The following SNTB1 variants were observed in gnomAD, a reference collection of about 807,000 sequenced individuals.
The protein encoded by SNTB1 is beta-1-syntrophin.
In SNTB1, 36 loss-of-function variants were observed where a neutral mutation model predicts 48.9. That is an observed-to-expected ratio of 0.74 (90% CI 0.56 to 0.97). The LOEUF (loss-of-function observed/expected upper bound fraction) is 0.97. SNTB1 is among the 50% of genes least tolerant of loss of function. The probability of loss-of-function intolerance (pLI) is 0.00; values close to 1 mark genes in which losing one functional copy is unlikely to be tolerated. For synonymous variants in SNTB1, 299 were observed against 294.6 expected (o/e 1.01, Z -0.15); for missense variants, 786 against 703.4 (o/e 1.12, Z -1.33).
At chr8:120,542,776 T>TAC (rs1334928948) in intron 5 of SNTB1, among the ~76,000 whole-genome samples, 2 of 151,958 alleles carry the variant, frequency 1.3e-5, no homozygotes, top group African/African-American at 4.8e-5. Context: ...GAAGACAGCA[T>TAC]ACACCCATGA....
intron 1 of SNTB1, among the ~76,000 whole-genome samples, chr8:120,764,330 C>T (rs77966095): frequency 0.023 from 3,495 of 152,110 alleles, 133 homozygotes; most frequent in African/African-American, 0.08. Flanking sequence ...TGAAATATTC[C>T]ATGTGCAGAG....
intron 1 of SNTB1, among the ~76,000 whole-genome samples, chr8:120,808,197 GCTACCGTACCGGCCACTATGTTA>G (rs1820367168): frequency 6.6e-6 from 1 of 152,170 alleles, no homozygotes; most frequent in African/African-American, 2.4e-5. Context: ...ATAGGCGTGA[GCTACCGTACCGGCCACTATGTTA>G]CTTTATGCAA....
chr8:120,715,650 T>G (rs1818542702), intron 1 of SNTB1, among the ~76,000 whole-genome samples: 1 of 152,222 alleles, frequency 6.6e-6, no homozygotes, highest in African/African-American at 2.4e-5. Flanking sequence ...TCATGTGATG[T>G]CAACACTGAG....
intron 2 of SNTB1, chr8:120,635,980 T>C: frequency 1.4e-6 from 1 of 724,480 alleles, no homozygotes; most frequent in Admixed American, 3.5e-5. Flanking sequence ...CTTTACTTGC[T>C]CCAGAATCCC....
chr8:120,807,953 C>T (rs965754373), intron 1 of SNTB1, among the ~76,000 whole-genome samples: 7 of 151,846 alleles, frequency 4.6e-5, no homozygotes, highest in Non-Finnish European at 1.0e-4. Context: ...CTTGCTCTAT[C>T]GCCCAGGCTG....
chr8:120,609,462 C>T (rs1421247344), intron 3 of SNTB1, among the ~76,000 whole-genome samples: 2 of 152,152 alleles, frequency 1.3e-5, no homozygotes, highest in African/African-American at 2.4e-5. Context: ...GCAGGACACC[C>T]CGAGCCATCA....
intron 1 of SNTB1, among the ~76,000 whole-genome samples, chr8:120,728,202 C>T (rs775886667): frequency 5.3e-5 from 8 of 151,988 alleles, no homozygotes; most frequent in South Asian, 2.1e-4. Context: ...GGTTTCACCA[C>T]GGGCTGGTTT....
chr8:120,646,587 T>A (rs1265867769), intron 2 of SNTB1, among the ~76,000 whole-genome samples: 2 of 151,954 alleles, frequency 1.3e-5, no homozygotes, highest in African/African-American at 4.8e-5. Context: ...TTGAGGATTT[T>A]TGCATTAATG....
intron 1 of SNTB1, among the ~76,000 whole-genome samples, chr8:120,810,268 T>G (rs977255611): frequency 6.6e-6 from 1 of 152,114 alleles, no homozygotes; most frequent in Non-Finnish European, 1.5e-5. Flanking sequence ...TACACAGCAC[T>G]AAAGAGAAGA....
intron 4 of SNTB1, among the ~76,000 whole-genome samples, chr8:120,562,571 A>G (rs1815678065): frequency 2.0e-5 from 3 of 152,098 alleles, no homozygotes; most frequent in South Asian, 4.1e-4. Context: ...GGGCATGTAA[A>G]TTTCTTCATG....
At chr8:120,786,792 C>A (rs1819929984) in intron 1 of SNTB1, among the ~76,000 whole-genome samples, 1 of 152,168 alleles carries the variant, frequency 6.6e-6, no homozygotes, top group East Asian at 1.9e-4. Flanking sequence ...TCACTGAAAG[C>A]TTCCCCACCT....
intron 2 of SNTB1, among the ~76,000 whole-genome samples, chr8:120,638,793 C>T (rs935095668): frequency 2.0e-5 from 3 of 152,162 alleles, no homozygotes; most frequent in African/African-American, 7.2e-5. Context: ...TTTTCTTTAT[C>T]CAGTCTATCA....
intron 1 of SNTB1, among the ~76,000 whole-genome samples, chr8:120,810,612 G>A (rs1209086392): frequency 6.6e-6 from 1 of 152,208 alleles, no homozygotes; most frequent in Non-Finnish European, 1.5e-5. Flanking sequence ...ATGCCCGGCA[G>A]GGAGAGCGAA....
chr8:120,548,414 T>C (rs1313254923), intron 5 of SNTB1, among the ~76,000 whole-genome samples: 3 of 152,222 alleles, frequency 2.0e-5, no homozygotes, highest in African/African-American at 7.2e-5. Flanking sequence ...TGTGATAGAT[T>C]ACTCGGAATC....
intron 2 of SNTB1, among the ~76,000 whole-genome samples, chr8:120,638,401 T>C (rs955574467): frequency 1.3e-5 from 2 of 152,054 alleles, no homozygotes; most frequent in African/African-American, 2.4e-5. Flanking sequence ...TATTTTCTTT[T>C]TTTTTTCTTT....
chr8:120,609,747 A>T (rs1816590286), intron 3 of SNTB1, among the ~76,000 whole-genome samples: 1 of 152,230 alleles, frequency 6.6e-6, no homozygotes, highest in South Asian at 2.1e-4. Flanking sequence ...TCTGCCTGAG[A>T]GGGGGAGAAA....
rs1241029718 is a variant in SNTB1, at chr8:120,811,986, G to C, written c.-143C>G. The stretch of plus-strand genomic sequence containing the variant: ...GGCGGCACGCGGGACTCCGCTCCGG[G>C]AGTTCGCAGACGCACTCGGCGGGAG... On this transcript the variant is annotated 5_prime_UTR_variant, in exon 1 of 7. Transcript: ENST00000517992. 4 of 1,270,782 alleles carry C rather than the reference G, an allele frequency of 3.1e-6. No homozygotes were observed. The highest frequency in any genetic ancestry group is 6.0e-4 in the Middle Eastern group (2 of 3,342). 78.7% of individuals were successfully genotyped at this position (1,270,782 alleles called of 1,614,324 possible). A position where few individuals can be genotyped will look rare whatever the true frequency, so the allele number is the denominator to read the frequency against.
intron 1 of SNTB1, among the ~76,000 whole-genome samples, chr8:120,786,097 A>G (rs1819919507): frequency 1.3e-5 from 2 of 152,140 alleles, no homozygotes; most frequent in South Asian, 4.1e-4. Flanking sequence ...CTGCTGGGAG[A>G]CTAGAGGACA....
intron 3 of SNTB1, among the ~76,000 whole-genome samples, chr8:120,614,029 T>C (rs916004210): frequency 1.3e-5 from 2 of 152,194 alleles, no homozygotes; most frequent in Admixed American, 6.5e-5. Context: ...TGTCAGTGGT[T>C]TGCCCAAGAA....
Sources: allele counts gnomAD v4.1 joint callset (sites outside exome capture counted in the v4.1 genomes callset), GRCh38; gene constraint gnomAD v4.1.1; transcripts MANE v1.5; gene names NCBI Gene and HGNC (gene_info 2026-07-23, HGNC 2026-07-21).